Variants in NRXN2 observed in about 807,000 individuals in gnomAD.
NRXN2 encodes the protein neurexin-2-beta.
NRXN2 carries 29 observed loss-of-function variants against 128.8 expected under a neutral mutation model. The ratio of observed to expected loss-of-function variants is 0.23; its 90% CI spans 0.17 to 0.31. NRXN2 has a LOEUF of 0.31. NRXN2 is among the 10% of genes least tolerant of loss of function. The pLI, the probability that NRXN2 is intolerant of heterozygous loss-of-function variation, is 1.00. For synonymous variants in NRXN2, 1,098 were observed against 1,075.2 expected, an observed-to-expected ratio of 1.02 and a Z score of -0.41; for missense variants, 1,881 against 2,452.6, an observed-to-expected ratio of 0.77 and a Z score of 4.92.
At chr11:64,721,372 C>T (rs980299109) in intron 1 of NRXN2, among the ~76,000 whole-genome samples, 3 of 151,910 alleles carry the variant, frequency 2.0e-5, no homozygotes, top group African/African-American at 4.8e-5. Context: ...AAGAACTGCC[C>T]GGCAGCCGTG....
At chr11:64,615,950 G>A (rs894899981) in intron 22 of NRXN2, among the ~76,000 whole-genome samples, 1 of 152,142 alleles carries the variant, frequency 6.6e-6, no homozygotes, top group Non-Finnish European at 1.5e-5. Context: ...TCTTCTGTGA[G>A]TGTGAACCAG....
chr11:64,678,546 T>C (rs1182171208), intron 6 of NRXN2, among the ~76,000 whole-genome samples: 1 of 152,038 alleles, frequency 6.6e-6, no homozygotes, highest in Non-Finnish European at 1.5e-5. Context: ...ACCTCTAAAA[T>C]CCCTGACTTT....
At chr11:64,707,392 A>G (rs2056454108) in intron 2 of NRXN2, among the ~76,000 whole-genome samples, 1 of 152,052 alleles carries the variant, frequency 6.6e-6, no homozygotes, top group Non-Finnish European at 1.5e-5. Context: ...CTCAAAAAAA[A>G]AAAAAAAGAA....
intron 1 of NRXN2, among the ~76,000 whole-genome samples, chr11:64,716,918 C>T (rs1208941669): frequency 6.6e-6 from 1 of 152,102 alleles, no homozygotes; most frequent in African/African-American, 2.4e-5. Flanking sequence ...ACTTGCTGCT[C>T]TTCCCCTCGC....
rs1407464884 is a variant in NRXN2, at chr11:64,607,591, G to A, written c.4744C>T (p.Pro1582Ser). ...QPLLENPPLG[P>S]GAPTSFEPRR... ...GGCTCAAAGGACGTGGGGGCCCCGG[G>A]CCCCAAGGGCGGGTTCTCCAGCAAG... The change falls in exon 23 of 23, where the codon CCC becomes TCC. Residue 1582 changes from proline (P) to serine (S), a missense_variant. Coordinates refer to ENST00000265459, the MANE Select transcript of NRXN2 (RefSeq NM_015080.4). The A allele has an allele frequency of 1.3e-6, 2 of 1,534,534 alleles. No homozygotes were observed. Among genetic ancestry groups the A allele is most frequent in the Admixed American group, 3.9e-5 (2 of 50,636 alleles).
intron 3 of NRXN2, among the ~76,000 whole-genome samples, chr11:64,693,379 T>G (rs1592159033): frequency 6.9e-6 from 1 of 144,242 alleles, no homozygotes; most frequent in Non-Finnish European, 1.5e-5. Context: ...ACGATTCAGA[T>G]GGAGGAGAAA....
chr11:64,688,928 CTAA>C (rs1176715579), intron 5 of NRXN2: 8 of 409,468 alleles, frequency 2.0e-5, no homozygotes, highest in African/African-American at 4.3e-5. Flanking sequence ...CACTTACTGC[CTAA>C]TAACATCTTG....
At chr11:64,721,942 C>G (rs2057443489) in intron 1 of NRXN2, among the ~76,000 whole-genome samples, 1 of 152,072 alleles carries the variant, frequency 6.6e-6, no homozygotes, top group African/African-American at 2.4e-5. Flanking sequence ...CCTCCCAGCC[C>G]TTGCTAGCTC....
Position 64,660,439 on chromosome 11 carries a change from A to G in NRXN2, c.2282T>C (p.Met761Thr), listed in dbSNP as rs1236983298. The change falls in exon 11 of 23, where the codon ATG (methionine) becomes ACG (threonine). Residue 761 changes from methionine to threonine, a missense_variant. Physicochemically the swap from Met to Thr is moderately conservative, Grantham distance 81 (BLOSUM62 -1). Coordinates refer to ENST00000265459, the MANE Select transcript of NRXN2 (RefSeq NM_015080.4). The surrounding 1 kb of genome is among the most constrained non-coding windows in gnomAD (Gnocchi z 5.2). Reference sequence around the variant, plus strand: ...CATGAGTCCGTAGGCCCGCTGGGACATGAAACGCAGGGACACATCCTCTGC... The same window carrying G: ...CATGAGTCCGTAGGCCCGCTGGGACGTGAAACGCAGGGACACATCCTCTGC... The part of the protein sequence containing the change: ...TEAEDVSLRF[M>T]SQRAYGLMMA... The G allele has an allele frequency of 1.9e-6, 3 of 1,614,098 alleles. No individual in the cohort carries two copies. The highest frequency in any genetic ancestry group is 2.5e-6 in the Non-Finnish European group (3 of 1,180,046).
At position 64,607,598 on chromosome 11, in the gene NRXN2, G is replaced by A; in HGVS notation, c.4737C>T (p.Pro1579=). 1 of 1,536,876 alleles carries A rather than the reference G, an allele frequency of 6.5e-7. No homozygotes were observed. Among genetic ancestry groups the A allele is most frequent in the Non-Finnish European group, 8.7e-7 (1 of 1,144,892 alleles). Residue 1579 remains proline (P), a synonymous_variant, in exon 23 of 23, where the codon CCC becomes CCT. Coordinates refer to ENST00000265459, the MANE Select transcript of NRXN2 (RefSeq NM_015080.4). ...DPLQPLLENP[P]LGPGAPTSFE... is the part of the protein sequence containing the mutation. ...AGGACGTGGGGGCCCCGGGCCCCAA[G>A]GGCGGGTTCTCCAGCAAGGGCTGAA...
intron 7 of NRXN2, among the ~76,000 whole-genome samples, chr11:64,673,688 T>TTG (rs3080431): frequency 0.51 from 77,848 of 151,332 alleles, 23,408 homozygotes; most frequent in Non-Finnish European, 0.7. Flanking sequence ...TTTGTTTTGT[T>TTG]TGTGTGTGTG....
chr11:64,699,122 T>C (rs2054940325), intron 2 of NRXN2, among the ~76,000 whole-genome samples: 1 of 152,146 alleles, frequency 6.6e-6, no homozygotes, highest in South Asian at 2.1e-4. Context: ...AAAACAAACA[T>C]AGTCATTTGT....
At chr11:64,627,540 T>G (rs2043251828) in intron 19 of NRXN2, among the ~76,000 whole-genome samples, 1 of 151,276 alleles carries the variant, frequency 6.6e-6, no homozygotes, top group Non-Finnish European at 1.5e-5. Flanking sequence ...CTCCCCCCAG[T>G]TCCAGCCCCC....
intron 2 of NRXN2, among the ~76,000 whole-genome samples, chr11:64,712,080 C>A (rs889952752): frequency 1.3e-5 from 2 of 152,194 alleles, no homozygotes; most frequent in Non-Finnish European, 2.9e-5. Flanking sequence ...CTGTCGACTA[C>A]GCTCCCTGCC....
chr11:64,667,196 G>C lies in NRXN2; in HGVS notation c.1798+54C>G. The C allele has an allele frequency of 6.4e-7, 1 of 1,569,126 alleles. No individual in the cohort carries two copies. The highest frequency in any genetic ancestry group is 1.1e-5 in the South Asian group (1 of 90,094). The stretch of plus-strand genomic sequence containing the variant: ...TGAAGAGAGACGGAGAGGATGTCAG[G>C]GCAGATGGAAAGGGGTGGCCCATGG... On this transcript the variant is annotated intron_variant, in intron 9 of 22. Coordinates refer to ENST00000265459, the MANE Select transcript of NRXN2 (RefSeq NM_015080.4). This position sits in a 1 kb window ranked among gnomAD's most constrained non-coding sequence, Gnocchi z 5.6.
chr11:64,700,632 C>T (rs767244685), intron 2 of NRXN2, among the ~76,000 whole-genome samples: 10 of 152,220 alleles, frequency 6.6e-5, no homozygotes, highest in Admixed American at 2.6e-4. Context: ...CCTCTGGCCT[C>T]ACTCCTTGTG....
At position 64,660,625 on chromosome 11, in the gene NRXN2, G is replaced by T; in HGVS notation, c.2186-90C>A. On this transcript the variant is annotated intron_variant, in intron 10 of 22. Transcript: ENST00000265459. This position sits in a 1 kb window ranked among gnomAD's most constrained non-coding sequence, Gnocchi z 5.2. Reference sequence around the variant, plus strand: ...CAGAGAATCATTACAAGGGCGAAAAGCCTAGGGCAGGTCTATGAGGGGTTC... The same window carrying T: ...CAGAGAATCATTACAAGGGCGAAAATCCTAGGGCAGGTCTATGAGGGGTTC... The T allele has an allele frequency of 6.3e-7, 1 of 1,587,536 alleles. No homozygotes were observed. Among genetic ancestry groups the T allele is most frequent in the Non-Finnish European group, 8.6e-7 (1 of 1,163,408 alleles).
At chr11:64,618,115 G>A (rs999477509) in intron 22 of NRXN2, among the ~76,000 whole-genome samples, 4 of 152,188 alleles carry the variant, frequency 2.6e-5, no homozygotes, top group Non-Finnish European at 5.9e-5. Context: ...GGAACCAGCT[G>A]ACCCGCCTGC....
chr11:64,619,346 C>T (rs1781909035), intron 22 of NRXN2, among the ~76,000 whole-genome samples: 1 of 152,096 alleles, frequency 6.6e-6, no homozygotes, highest in African/African-American at 2.4e-5. Flanking sequence ...TCTGCTCCCT[C>T]TGCCAGCCTC....
Sources: allele counts gnomAD v4.1 joint callset (sites outside exome capture counted in the v4.1 genomes callset), GRCh38; gene constraint gnomAD v4.1.1; non-coding constraint Gnocchi (gnomAD v3.1); transcripts MANE v1.5; gene names NCBI Gene and HGNC (gene_info 2026-07-23, HGNC 2026-07-21).